SYN3: variants seen among roughly 807,000 people sequenced by gnomAD.
SYN3 encodes synapsin-3.
In SYN3, 35 loss-of-function variants were observed where a neutral mutation model predicts 65.8. That is an observed-to-expected ratio of 0.53 (90% CI 0.41 to 0.70). The LOEUF is 0.70. Ranked by LOEUF, SYN3 falls within the 30% of genes least tolerant of loss-of-function variation. The pLI, the probability that SYN3 is intolerant of heterozygous loss-of-function variation, is 0.00. For synonymous variants in SYN3, 270 were observed against 292.9 expected, an observed-to-expected ratio of 0.92 and a Z score of 0.80; for missense variants, 680 against 749.0, an observed-to-expected ratio of 0.91 and a Z score of 1.08.
At chr22:32,580,135 G>T (rs2058917318) in intron 7 of SYN3, among the ~76,000 whole-genome samples, 1 of 152,280 alleles carries the variant, frequency 6.6e-6, no homozygotes. Context: ...CTTACAGCCT[G>T]GTTGGGGAGG....
chr22:32,786,159 G>C (rs1042175172), intron 6 of SYN3, among the ~76,000 whole-genome samples: 1 of 152,114 alleles, frequency 6.6e-6, no homozygotes, highest in Admixed American at 6.5e-5. Flanking sequence ...CGTATGAGGT[G>C]GGTGCTGTTA....
At chr22:32,702,737 G>GAA (rs55781708) in intron 6 of SYN3, among the ~76,000 whole-genome samples, 8 of 151,056 alleles carry the variant, frequency 5.3e-5, no homozygotes, top group South Asian at 2.1e-4. Flanking sequence ...ATTAAAATTA[G>GAA]AAAAAAAAAT....
At chr22:32,807,354 T>TA (rs1302257766) in intron 6 of SYN3, among the ~76,000 whole-genome samples, 16 of 1,230 alleles carry the variant, frequency 0.013, no homozygotes, top group African/African-American at 0.018. Flanking sequence ...TATAAATATA[T>TA]AATATATAAT....
At chr22:32,960,750 G>A (rs76001471) in intron 3 of SYN3, among the ~76,000 whole-genome samples, 2,166 of 152,272 alleles carry the variant, frequency 0.014, 52 homozygotes, top group African/African-American at 0.05. Flanking sequence ...TGTGGATCAT[G>A]TCACAAACAG....
At chr22:32,980,828 C>T in intron 2 of SYN3, 126 bp from the exon 3 acceptor site, 1 of 759,890 alleles carries the variant, frequency 1.3e-6, no homozygotes. Context: ...CTGTCTCCTC[C>T]CACCTTCACT....
At chr22:32,779,811 G>A (rs1234632186) in intron 6 of SYN3, among the ~76,000 whole-genome samples, 3 of 152,040 alleles carry the variant, frequency 2.0e-5, no homozygotes, top group African/African-American at 4.8e-5. Context: ...ACTCCTCCAC[G>A]CTTTAGTACC....
At chr22:32,765,495 T>C (rs1019699606) in intron 6 of SYN3, among the ~76,000 whole-genome samples, 1 of 152,074 alleles carries the variant, frequency 6.6e-6, no homozygotes, top group African/African-American at 2.4e-5. Context: ...AAGGTTTAAT[T>C]GAAAAACAGG....
At chr22:32,811,186 AG>A (rs1349893009) in intron 6 of SYN3, among the ~76,000 whole-genome samples, 1 of 152,126 alleles carries the variant, frequency 6.6e-6, no homozygotes, top group Non-Finnish European at 1.5e-5. Context: ...GCAGCAGGGA[AG>A]GCATGTCTGG....
intron 6 of SYN3, among the ~76,000 whole-genome samples, chr22:32,641,190 G>T (rs1252169542): frequency 1.3e-5 from 2 of 152,182 alleles, no homozygotes; most frequent in Non-Finnish European, 2.9e-5. Flanking sequence ...GGCAGGGCTG[G>T]CCTCTTTCTG....
Position 32,801,920 on chromosome 22 carries a change from G to C in SYN3, c.711+62995C>G, listed in dbSNP as rs1199548714. The C allele has an allele frequency of 6.7e-7, 1 of 1,486,864 alleles. No individual in the cohort carries two copies. The highest frequency in any genetic ancestry group is 8.9e-7 in the Non-Finnish European group (1 of 1,124,208). 92.1% of individuals were successfully genotyped at this position (1,486,864 alleles called of 1,614,324 possible). ...ACGGCCCGGCGGGCGAGCGAGCTCG[G>C]GCTGCAGCAGCCCCGCCGGCGGCGC... is the stretch of plus-strand genomic sequence containing the variant. On this transcript the variant is annotated intron_variant, in intron 6 of 13. Transcript: ENST00000358763. This position sits in a 1 kb window ranked among gnomAD's most constrained non-coding sequence, Gnocchi z 4.7.
In SYN3 at chr22:32,736,113, A is replaced by G. The variant is rs144352657; in HGVS notation, c.711+128802T>C. Among the ~76,000 whole-genome samples, 1,365 of 152,360 alleles carry G rather than the reference A, an allele frequency of 9.0e-3. 30 individuals carry two copies. Among genetic ancestry groups the G allele is most frequent in the African/African-American group, 0.031 (1,300 of 41,574 alleles). On this transcript the variant is annotated intron_variant, in intron 6 of 13. Transcript: ENST00000358763. ...AATCGACTTTACTGGAGTATAATTT[A>G]CATGCAATAAAGGCATCAGTTTTAT...
chr22:32,681,786 A>G (rs2147115031), intron 6 of SYN3, among the ~76,000 whole-genome samples: 1 of 152,390 alleles, frequency 6.6e-6, no homozygotes, highest in East Asian at 1.9e-4. Flanking sequence ...AGATAGTTAT[A>G]TTCTAGTTGT....
intron 6 of SYN3, among the ~76,000 whole-genome samples, chr22:32,616,520 CAT>C (rs1295367907): frequency 6.6e-6 from 1 of 152,152 alleles, no homozygotes; most frequent in Non-Finnish European, 1.5e-5. Context: ...AGAGGCCTGT[CAT>C]AGTGCTGAGT....
At chr22:32,926,038 G>T (rs556737801) in intron 4 of SYN3, among the ~76,000 whole-genome samples, 6 of 152,152 alleles carry the variant, frequency 3.9e-5, no homozygotes, top group African/African-American at 1.4e-4. Context: ...TTTTATTAGA[G>T]ACAGGGTTTT....
intron 6 of SYN3, among the ~76,000 whole-genome samples, chr22:32,838,995 G>A (rs1460483660): frequency 1.3e-5 from 2 of 151,644 alleles, no homozygotes; most frequent in African/African-American, 4.8e-5. Context: ...GACTAGCTTG[G>A]CCTGGGGTGG....
chr22:32,820,286 GTGGT>G (rs1399455655), intron 6 of SYN3, among the ~76,000 whole-genome samples: 1 of 150,398 alleles, frequency 6.6e-6, no homozygotes, highest in African/African-American at 2.4e-5. Context: ...GTGTGTGTGT[GTGGT>G]GTGTGTGGTG....
chr22:32,526,571 A>T (rs1448651714), intron 12 of SYN3, among the ~76,000 whole-genome samples: 2 of 152,036 alleles, frequency 1.3e-5, no homozygotes, highest in African/African-American at 4.8e-5. Flanking sequence ...GGTGGAGTGC[A>T]GTGGCGCAAT....
intron 4 of SYN3, among the ~76,000 whole-genome samples, chr22:32,885,376 T>C (rs1427637144): frequency 6.6e-6 from 1 of 152,220 alleles, no homozygotes; most frequent in African/African-American, 2.4e-5. Context: ...TTCTCAAGGA[T>C]GGACTTTTGT....
At chr22:32,776,898 A>T (rs1021810236) in intron 6 of SYN3, among the ~76,000 whole-genome samples, 10 of 152,232 alleles carry the variant, frequency 6.6e-5, no homozygotes, top group Admixed American at 4.6e-4. Flanking sequence ...GCCGCCCCCT[A>T]TCCCTTGAGC....
Sources: allele counts gnomAD v4.1 joint callset (sites outside exome capture counted in the v4.1 genomes callset), GRCh38; gene constraint gnomAD v4.1.1; non-coding constraint Gnocchi (gnomAD v3.1); transcripts MANE v1.5; gene names NCBI Gene and HGNC (gene_info 2026-07-23, HGNC 2026-07-21).